CNTNAP2: variants seen among roughly 807,000 people sequenced by gnomAD.
CNTNAP2 encodes the protein contactin associated protein 2, also known as contactin-associated protein-like 2.
A neutral mutation model predicts 155.2 loss-of-function variants in CNTNAP2; 98 were observed. The observed-to-expected ratio is 0.63, with a 90% CI of 0.54 to 0.75. The LOEUF is 0.75. Ranked by LOEUF, CNTNAP2 falls within the 30% of genes least tolerant of loss-of-function variation. The probability of loss-of-function intolerance (pLI) is 0.00; values close to 1 mark genes in which losing one functional copy is unlikely to be tolerated. For missense variants in CNTNAP2, 1,727 were observed against 1,688.1 expected (o/e 1.02, Z -0.40); for synonymous variants, 651 against 631.2 (o/e 1.03, Z -0.47).
At chr7:147,309,678 T>C (rs565633252) in intron 9 of CNTNAP2, among the ~76,000 whole-genome samples, 1 of 152,224 alleles carries the variant, frequency 6.6e-6, no homozygotes, top group South Asian at 2.1e-4. Context: ...TCCTTGAAAA[T>C]ATTCAAATCA....
At chr7:146,586,433 A>G (rs1202428749) in intron 1 of CNTNAP2, among the ~76,000 whole-genome samples, 1 of 152,190 alleles carries the variant, frequency 6.6e-6, no homozygotes, top group Non-Finnish European at 1.5e-5. Flanking sequence ...AGGAGAGAGT[A>G]TAGAGCCTAC....
intron 12 of CNTNAP2, among the ~76,000 whole-genome samples, chr7:147,616,974 G>GATC (rs1223485437): frequency 1.3e-5 from 2 of 152,064 alleles, no homozygotes. Context: ...CCACGCCTAC[G>GATC]ATCGTGTGCT....
Position 148,215,835 on chromosome 7 carries a change from G to A in CNTNAP2, c.3011-1453G>A, listed in dbSNP as rs562507392. 8.5e-5 allele frequency among the ~76,000 whole-genome samples: 13 copies of A among 152,256 alleles called. No homozygotes were observed. In the East Asian group the frequency reaches 1.4e-3, roughly 16 times the overall value. On this transcript the variant is annotated intron_variant, in intron 18 of 23. Coordinates refer to ENST00000361727, the MANE Select transcript of CNTNAP2 (RefSeq NM_014141.6). The stretch of plus-strand genomic sequence containing the variant: ...ACAAGGGCAAGATACACCCCCAGGC[G>A]TCGGACTTCGCTGCTCTGTGCCGAC...
intron 1 of CNTNAP2, among the ~76,000 whole-genome samples, chr7:146,554,332 T>C (rs1484847771): frequency 2.0e-5 from 3 of 152,148 alleles, no homozygotes; most frequent in African/African-American, 4.8e-5. Flanking sequence ...AACCCTTAGA[T>C]TGGGTTCATG....
intron 16 of CNTNAP2, among the ~76,000 whole-genome samples, chr7:148,138,284 T>C (rs973380174): frequency 2.6e-5 from 4 of 152,236 alleles, no homozygotes; most frequent in African/African-American, 9.6e-5. Context: ...GCACAATTAA[T>C]TGACTTGTAT....
At chr7:146,552,181 C>T (rs907044805) in intron 1 of CNTNAP2, among the ~76,000 whole-genome samples, 1 of 152,012 alleles carries the variant, frequency 6.6e-6, no homozygotes, top group East Asian at 1.9e-4. Flanking sequence ...TGCCTAAATA[C>T]TATTGTATAA....
At chr7:147,031,440 T>G (rs1799029875) in intron 3 of CNTNAP2, among the ~76,000 whole-genome samples, 2 of 152,172 alleles carry the variant, frequency 1.3e-5, no homozygotes, top group Admixed American at 1.3e-4. Flanking sequence ...TAAAAAAACC[T>G]GGAAACATCC....
intron 3 of CNTNAP2, among the ~76,000 whole-genome samples, chr7:147,033,178 A>ATATATATGTATATG (rs1470540227): frequency 5.5e-5 from 3 of 54,888 alleles, no homozygotes; most frequent in African/African-American, 2.1e-4. Flanking sequence ...ATATATATAT[A>ATATATATGTATATG]TATATATATA....
intron 11 of CNTNAP2, among the ~76,000 whole-genome samples, chr7:147,508,551 G>A: frequency 6.6e-6 from 1 of 152,182 alleles, no homozygotes; most frequent in South Asian, 2.1e-4. Flanking sequence ...AGAATTTGAT[G>A]CCATGACTTA....
At chr7:146,207,904 A>G (rs1798972531) in intron 1 of CNTNAP2, among the ~76,000 whole-genome samples, 1 of 152,032 alleles carries the variant, frequency 6.6e-6, no homozygotes, top group Non-Finnish European at 1.5e-5. Flanking sequence ...TGAGAGTTAG[A>G]AAAATATTTT....
intron 3 of CNTNAP2, among the ~76,000 whole-genome samples, chr7:147,030,026 G>A (rs796536602): frequency 1.1e-4 from 16 of 152,222 alleles, no homozygotes; most frequent in African/African-American, 3.9e-4. Context: ...GAAAAGCAAT[G>A]GTTTTGGAGG....
At chr7:146,161,652 G>A (rs1562972259) in intron 1 of CNTNAP2, among the ~76,000 whole-genome samples, 1 of 152,086 alleles carries the variant, frequency 6.6e-6, no homozygotes, top group Non-Finnish European at 1.5e-5. Context: ...CACAGAATTG[G>A]AAAAAACTAC....
chr7:148,069,741 C>T (rs1803346002), intron 15 of CNTNAP2, among the ~76,000 whole-genome samples: 1 of 128,706 alleles, frequency 7.8e-6, no homozygotes, highest in African/African-American at 3.2e-5. Flanking sequence ...GCCTGGGTGA[C>T]AGACAAAGAC....
rs528436787 is a variant in CNTNAP2, at chr7:147,238,304, C to T, written c.1349-61837C>T. ...TGCTGAGATTACAGGCGTGAGCCAC[C>T]GTGCCCGGCCTCAAATTTTGAATTT... On this transcript the variant is annotated intron_variant, in intron 8 of 23. Coordinates refer to ENST00000361727, the MANE Select transcript of CNTNAP2 (RefSeq NM_014141.6). Among the ~76,000 whole-genome samples, 208 of 152,222 alleles carry T rather than the reference C, an allele frequency of 1.4e-3. 5 individuals are homozygous for T. The Middle Eastern group carries it at 0.024, about 17-fold the overall frequency.
At chr7:147,131,731 T>TA (rs1801376898) in intron 7 of CNTNAP2, among the ~76,000 whole-genome samples, 2 of 152,092 alleles carry the variant, frequency 1.3e-5, no homozygotes, top group African/African-American at 2.4e-5. Context: ...GGTATATAGA[T>TA]AAAAATCCAA....
At chr7:147,942,695 ACTT>A (rs887047881) in intron 14 of CNTNAP2, among the ~76,000 whole-genome samples, 2 of 152,100 alleles carry the variant, frequency 1.3e-5, no homozygotes. Context: ...GAAAGCATAT[ACTT>A]CTTATTTCCC....
chr7:146,431,076 T>A (rs1796166883), intron 1 of CNTNAP2, among the ~76,000 whole-genome samples: 1 of 151,924 alleles, frequency 6.6e-6, no homozygotes, highest in South Asian at 2.1e-4. Flanking sequence ...TTAAGAAAAA[T>A]CTGTCCATCT....
intron 3 of CNTNAP2, among the ~76,000 whole-genome samples, chr7:147,030,555 C>T (rs556294860): frequency 1.3e-4 from 20 of 152,206 alleles, no homozygotes; most frequent in African/African-American, 3.6e-4. Flanking sequence ...GTTCATTTAA[C>T]GGTAAAGTTC....
intron 3 of CNTNAP2, among the ~76,000 whole-genome samples, chr7:146,918,059 A>G (rs2129219087): frequency 6.6e-6 from 1 of 152,158 alleles, no homozygotes. Flanking sequence ...CTTTACCTTA[A>G]GTTTATGCAA....
Sources: allele counts gnomAD v4.1 joint callset (sites outside exome capture counted in the v4.1 genomes callset), GRCh38; gene constraint gnomAD v4.1.1; transcripts MANE v1.5; gene names NCBI Gene and HGNC (gene_info 2026-07-23, HGNC 2026-07-21).